Variants in CNTN6 observed in about 807,000 individuals in gnomAD.
The protein encoded by CNTN6 is contactin-6.
Under a neutral mutation model 122.8 loss-of-function variants are expected in CNTN6, and 137 were observed. That is an observed-to-expected ratio of 1.12 (90% CI 0.97 to 1.29). CNTN6 has a LOEUF of 1.29. Among genes scored for constraint, CNTN6 ranks in the 50% most tolerant of loss-of-function variants. The pLI is 0.00. For synonymous variants in CNTN6, 570 were observed against 426.0 expected, an observed-to-expected ratio of 1.34 and a Z score of -4.16; for missense variants, 1,634 against 1,223.4, an observed-to-expected ratio of 1.34 and a Z score of -5.01.
At chr3:1,243,391 C>T (rs913614764) in intron 4 of CNTN6, among the ~76,000 whole-genome samples, 6 of 152,212 alleles carry the variant, frequency 3.9e-5, no homozygotes, top group Non-Finnish European at 7.4e-5. Context: ...CAAGGAATTG[C>T]AACTTTTTTC....
chr3:1,376,643 C>G (rs1369410640), intron 16 of CNTN6, among the ~76,000 whole-genome samples: 21 of 151,946 alleles, frequency 1.4e-4, no homozygotes, highest in Non-Finnish European at 8.8e-5. Flanking sequence ...AATATACTGC[C>G]TCAGTAACTT....
chr3:1,250,041 C>G (rs577391939), intron 4 of CNTN6, among the ~76,000 whole-genome samples: 5 of 152,048 alleles, frequency 3.3e-5, no homozygotes, highest in Admixed American at 2.0e-4. Flanking sequence ...GTAGCTGATT[C>G]AAACTTTAAA....
chr3:1,098,789 C>CACACACACACATATATATATAT (rs1211008614), intron 1 of CNTN6, among the ~76,000 whole-genome samples: 1 of 63,252 alleles, frequency 1.6e-5, no homozygotes, highest in East Asian at 6.5e-4. Context: ...CACACACACA[C>CACACACACACATATATATATAT]ATATATATAT....
At chr3:1,099,330 A>G (rs184647461) in intron 1 of CNTN6, among the ~76,000 whole-genome samples, 28 of 151,998 alleles carry the variant, frequency 1.8e-4, no homozygotes, top group East Asian at 9.7e-4. Context: ...GGGCGCCTGT[A>G]GTCCCAGCTA....
chr3:1,122,764 C>T lies in CNTN6; in HGVS notation c.-82-25163C>T, dbSNP rs773974678. Among the ~76,000 whole-genome samples, 60 of 151,892 alleles carry T rather than the reference C, an allele frequency of 4.0e-4. 1 individual carries two copies. Among genetic ancestry groups the T allele is most frequent in the African/African-American group, 1.3e-3 (56 of 41,526 alleles). On this transcript the variant is annotated intron_variant, in intron 1 of 22. Transcript: ENST00000446702. The stretch of plus-strand genomic sequence containing the variant: ...ATATTTTCAAGGTTTATCTACGTTT[C>T]GGCGTGTGTCAGAACCTCATTGCTC...
At position 1,112,811 on chromosome 3, in the gene CNTN6, G is replaced by A. The variant is rs543482352; in HGVS notation, c.-83+19691G>A. ...ATAGTGTGTGAACCAAATTTCCAAG[G>A]GGCCAGACTCCCAGGCAGGTCACAT... is the stretch of plus-strand genomic sequence containing the variant. On this transcript the variant is annotated intron_variant, in intron 1 of 22. Transcript: ENST00000446702. Among the ~76,000 whole-genome samples the A allele has an allele frequency of 7.9e-5, 12 of 151,988 alleles. 2 individuals carry two copies. The South Asian group carries it at 1.7e-3, about 21-fold the overall frequency.
chr3:1,234,890 G>A (rs898445676), intron 4 of CNTN6, among the ~76,000 whole-genome samples: 4 of 152,110 alleles, frequency 2.6e-5, no homozygotes, highest in Non-Finnish European at 4.4e-5. Context: ...TCATATCAAG[G>A]AGAAAACTTT....
At chr3:1,188,218 TCCCCAG>T in intron 2 of CNTN6, among the ~76,000 whole-genome samples, 1 of 152,278 alleles carries the variant, frequency 6.6e-6, no homozygotes, top group South Asian at 2.1e-4. Flanking sequence ...CTAGTCTGCA[TCCCCAG>T]AACTGGAGGG....
In CNTN6 at chr3:1,342,774, T is replaced by C. The variant is rs545850662; in HGVS notation, c.1365-9550T>C. Among the ~76,000 whole-genome samples, 116 of 152,284 alleles carry C rather than the reference T, an allele frequency of 7.6e-4. 1 individual carries two copies. The South Asian group carries it at 9.9e-3, about 13-fold the overall frequency. ...TTACTCTGGCTTGTATTATACCCTTTAGTTTCATGATCAGAACTGAAAAAA... is the reference window on the plus strand; with the variant it reads ...TTACTCTGGCTTGTATTATACCCTTCAGTTTCATGATCAGAACTGAAAAAA... On this transcript the variant is annotated intron_variant, in intron 11 of 22. Coordinates refer to ENST00000446702, the MANE Select transcript of CNTN6 (RefSeq NM_001289080.2).
chr3:1,315,068 T>C (rs1365395351), intron 7 of CNTN6, among the ~76,000 whole-genome samples: 1 of 152,004 alleles, frequency 6.6e-6, no homozygotes, highest in Admixed American at 6.6e-5. Flanking sequence ...CAGAAACGAC[T>C]GATATCTGTA....
At chr3:1,397,181 C>T (rs950726544) in intron 20 of CNTN6, among the ~76,000 whole-genome samples, 2 of 151,910 alleles carry the variant, frequency 1.3e-5, no homozygotes, top group African/African-American at 2.4e-5. Context: ...CTTTGCCAAC[C>T]GGCAATTTCT....
In CNTN6 at chr3:1,387,868, G is replaced by T. The variant is rs184548846; in HGVS notation, c.2704+2071G>T. ...GCTTTTCGGACCAGCTTAAAAAACG[G>T]CGCACCACGAGATTATATCCTGCAC... On this transcript the variant is annotated intron_variant, in intron 20 of 22. Coordinates refer to ENST00000446702, the MANE Select transcript of CNTN6 (RefSeq NM_001289080.2). 2.0e-5 allele frequency among the ~76,000 whole-genome samples: 3 copies of T among 152,304 alleles called. No individual in the cohort carries two copies. In the East Asian group the frequency reaches 5.8e-4, roughly 30 times the overall value.
intron 20 of CNTN6, among the ~76,000 whole-genome samples, chr3:1,387,877 G>T (rs773589708): frequency 2.0e-5 from 3 of 152,204 alleles, no homozygotes; most frequent in East Asian, 1.9e-4. Flanking sequence ...GGCGCACCAC[G>T]AGATTATATC....
chr3:1,392,379 T>G (rs1221607842), intron 20 of CNTN6, among the ~76,000 whole-genome samples: 2 of 152,168 alleles, frequency 1.3e-5, no homozygotes, highest in Non-Finnish European at 2.9e-5. Flanking sequence ...CTGGATCCCT[T>G]CCTTACACCT....
chr3:1,337,857 C>CCCCTGTCAG (rs1703290038), intron 11 of CNTN6, among the ~76,000 whole-genome samples: 1 of 152,074 alleles, frequency 6.6e-6, no homozygotes, highest in Non-Finnish European at 1.5e-5. Flanking sequence ...CCTGTGTGTG[C>CCCCTGTCAG]CCCTGTCAGT....
At position 1,308,287 on chromosome 3, in the gene CNTN6, TTGTGTGTG is replaced by T. The variant is rs113198519; in HGVS notation, c.761+10325_761+10332del. ...TGCACTCATCAATGTATGGGGTGTT[TTGTGTGTG>T]TGTGTGTGTGTGTGTGTGTGTGTGT... is the stretch of plus-strand genomic sequence containing the variant. On this transcript the variant is annotated intron_variant, in intron 7 of 22. Coordinates refer to ENST00000446702, the MANE Select transcript of CNTN6 (RefSeq NM_001289080.2). 4.3e-3 allele frequency among the ~76,000 whole-genome samples: 630 copies of T among 144,910 alleles called. 4 individuals are homozygous for T. Among genetic ancestry groups the T allele is most frequent in the African/African-American group, 0.015 (587 of 39,272 alleles).
intron 1 of CNTN6, among the ~76,000 whole-genome samples, chr3:1,110,233 G>A (rs559680665): frequency 1.3e-5 from 2 of 152,100 alleles, no homozygotes; most frequent in South Asian, 2.1e-4. Flanking sequence ...TTTTGATTTA[G>A]GAAATGTAAA....
At chr3:1,225,619 A>G (rs899847503) in intron 3 of CNTN6, among the ~76,000 whole-genome samples, 2 of 152,144 alleles carry the variant, frequency 1.3e-5, no homozygotes, top group East Asian at 1.9e-4. Context: ...ATCAAAAACT[A>G]TATTAGAGTG....
chr3:1,317,424 G>C (rs1266632691), intron 7 of CNTN6, among the ~76,000 whole-genome samples: 7 of 151,500 alleles, frequency 4.6e-5, no homozygotes, highest in African/African-American at 1.7e-4. Flanking sequence ...ACTCAAAATG[G>C]GCTTAAGAAA....
Sources: allele counts gnomAD v4.1 joint callset (sites outside exome capture counted in the v4.1 genomes callset), GRCh38; gene constraint gnomAD v4.1.1; transcripts MANE v1.5; gene names NCBI Gene and HGNC (gene_info 2026-07-23, HGNC 2026-07-21).